Variants in CADPS observed in about 807,000 individuals in gnomAD.
CADPS encodes calcium dependent secretion activator, also known as calcium-dependent secretion activator 1.
A neutral mutation model predicts 167.3 loss-of-function variants in CADPS; 57 were observed. The observed-to-expected ratio is 0.34, with a 90% CI of 0.28 to 0.42. CADPS has a LOEUF of 0.42. Ranked by LOEUF, CADPS falls within the 20% of genes least tolerant of loss-of-function variation. The pLI is 1.00. For synonymous variants in CADPS, 676 were observed against 635.3 expected (o/e 1.06, Z -0.96); for missense variants, 1,414 against 1,738.1 (o/e 0.81, Z 3.32).
intron 1 of CADPS, among the ~76,000 whole-genome samples, chr3:62,776,496 TA>T: frequency 6.6e-6 from 1 of 151,968 alleles, no homozygotes. Flanking sequence ...CTACTAAAAA[TA>T]CAAAAAATTA....
intron 1 of CADPS, among the ~76,000 whole-genome samples, chr3:62,837,675 T>C (rs1163265271): frequency 6.6e-6 from 1 of 152,200 alleles, no homozygotes; most frequent in African/African-American, 2.4e-5. Flanking sequence ...AAGCAATAGA[T>C]ATCAACATTA....
chr3:62,607,683 C>T (rs937624798), intron 6 of CADPS, among the ~76,000 whole-genome samples: 3 of 152,280 alleles, frequency 2.0e-5, no homozygotes, highest in Admixed American at 6.5e-5. Flanking sequence ...GAGGGGATTA[C>T]GGAAGCTGTT....
At chr3:62,804,564 T>C (rs2093975496) in intron 1 of CADPS, among the ~76,000 whole-genome samples, 1 of 152,084 alleles carries the variant, frequency 6.6e-6, no homozygotes, top group South Asian at 2.1e-4. Flanking sequence ...GTTTTTTTTC[T>C]TTTGGGAAGA....
intron 1 of CADPS, among the ~76,000 whole-genome samples, chr3:62,766,324 G>GGAGT (rs1288815165): frequency 6.6e-6 from 1 of 151,914 alleles, no homozygotes; most frequent in Non-Finnish European, 1.5e-5. Flanking sequence ...TCTATATAAG[G>GGAGT]GAGTGCTACC....
At chr3:62,460,869 T>C (rs1396899822) in intron 26 of CADPS, among the ~76,000 whole-genome samples, 1 of 152,216 alleles carries the variant, frequency 6.6e-6, no homozygotes, top group Non-Finnish European at 1.5e-5. Context: ...TAAGATAGGC[T>C]TTATTCTTCC....
chr3:62,555,017 T>C (rs2077892750), intron 10 of CADPS, among the ~76,000 whole-genome samples: 1 of 152,144 alleles, frequency 6.6e-6, no homozygotes, highest in Admixed American at 6.5e-5. Context: ...CCTCCCAAAG[T>C]GCTGGGATTA....
chr3:62,814,479 G>T (rs191578335), intron 1 of CADPS: 10 of 151,994 alleles, frequency 6.6e-5, no homozygotes, highest in African/African-American at 2.4e-4. Flanking sequence ...TTCGTGAAGC[G>T]GTTCATATAA....
chr3:62,762,322 A>C (rs1849473), intron 2 of CADPS, among the ~76,000 whole-genome samples: 55,583 of 151,872 alleles, frequency 0.37, 11,294 homozygotes, highest in East Asian at 0.76. Context: ...TAACATTTAC[A>C]TTGTATTAGT....
At chr3:62,534,104 A>G (rs535309658) in intron 12 of CADPS, among the ~76,000 whole-genome samples, 38 of 152,310 alleles carry the variant, frequency 2.5e-4, no homozygotes, top group African/African-American at 8.2e-4. Context: ...CAGAGCCTGA[A>G]ATAAAATTGT....
At chr3:62,816,484 A>G (rs990009253) in intron 1 of CADPS, among the ~76,000 whole-genome samples, 3 of 152,148 alleles carry the variant, frequency 2.0e-5, no homozygotes, top group Non-Finnish European at 4.4e-5. Context: ...AACAACAACA[A>G]AAAAATCAAT....
chr3:62,791,163 T>G (rs1012546817), intron 1 of CADPS, among the ~76,000 whole-genome samples: 3 of 152,198 alleles, frequency 2.0e-5, no homozygotes, highest in African/African-American at 7.2e-5. Flanking sequence ...AAGCAGATTC[T>G]TTTCCTATAC....
chr3:62,619,800 G>A (rs2062880331), intron 6 of CADPS, among the ~76,000 whole-genome samples: 1 of 152,152 alleles, frequency 6.6e-6, no homozygotes, highest in African/African-American at 2.4e-5. Flanking sequence ...TTCCTAATGA[G>A]AGGAGACATT....
At chr3:62,642,887 G>A (rs1391030286) in intron 6 of CADPS, among the ~76,000 whole-genome samples, 15 of 151,694 alleles carry the variant, frequency 9.9e-5, no homozygotes, top group Non-Finnish European at 1.6e-4. Flanking sequence ...CTCCAGCCTG[G>A]GTGACAGAGT....
intron 23 of CADPS, among the ~76,000 whole-genome samples, chr3:62,476,548 G>A (rs982986759): frequency 2.0e-5 from 3 of 152,112 alleles, no homozygotes; most frequent in East Asian, 1.9e-4. Flanking sequence ...GGTAAGGAAC[G>A]CCAAATGAAA....
At chr3:62,600,836 CA>C (rs1338905876) in intron 6 of CADPS, among the ~76,000 whole-genome samples, 1 of 152,106 alleles carries the variant, frequency 6.6e-6, no homozygotes, top group African/African-American at 2.4e-5. Context: ...TAAATATAGC[CA>C]GATGGGAATA....
At chr3:62,430,439 C>T (rs1158290000) in intron 28 of CADPS, among the ~76,000 whole-genome samples, 1 of 152,108 alleles carries the variant, frequency 6.6e-6, no homozygotes, top group Admixed American at 6.6e-5. Flanking sequence ...CTGTTAAAAG[C>T]AGATTTGGAT....
intron 3 of CADPS, among the ~76,000 whole-genome samples, chr3:62,666,399 G>C (rs548818229): frequency 2.3e-4 from 35 of 152,204 alleles, no homozygotes; most frequent in Non-Finnish European, 4.3e-4. Context: ...ACCTTTTCAA[G>C]GGCTGGAAAG....
chr3:62,475,113 G>A (rs1427736592), intron 23 of CADPS, among the ~76,000 whole-genome samples: 2 of 152,148 alleles, frequency 1.3e-5, no homozygotes, highest in East Asian at 1.9e-4. Flanking sequence ...ATTGTGTGAT[G>A]GTGGAATCTG....
chr3:62,663,433 T>G (rs2073763165), intron 3 of CADPS, among the ~76,000 whole-genome samples: 1 of 152,182 alleles, frequency 6.6e-6, no homozygotes, highest in Non-Finnish European at 1.5e-5. Flanking sequence ...TTCAGAAAGT[T>G]ATATTTTATT....
Sources: gnomAD v4.1 joint callset for allele counts (sites outside exome capture counted in the v4.1 genomes callset) on GRCh38, gnomAD v4.1.1 for gene constraint, MANE v1.5 for transcripts, NCBI Gene and HGNC (gene_info 2026-07-23, HGNC 2026-07-21) for gene names.